ZNF226: variants seen among roughly 807,000 people sequenced by gnomAD.
ZNF226 encodes the protein Kruppel-associated box protein.
Under a neutral mutation model 11.4 loss-of-function variants are expected in ZNF226, and 6 were observed. That is an observed-to-expected ratio of 0.53 (90% confidence interval 0.29 to 1.04). The LOEUF is 1.04. Among genes scored for constraint, ZNF226 ranks in the 50% least tolerant of loss-of-function variants. The pLI, the probability that ZNF226 is intolerant of heterozygous loss-of-function variation, is 0.08. For synonymous variants in ZNF226, 350 were observed against 322.8 expected, an observed-to-expected ratio of 1.08 and a Z score of -0.90; for missense variants, 1,058 against 956.5, an observed-to-expected ratio of 1.11 and a Z score of -1.40.
chr19:44,178,378 AGT>A, downstream of ZNF226: 1 of 152,228 alleles, frequency 6.6e-6, no homozygotes, highest in Non-Finnish European at 1.5e-5. Context: ...CAGGGGTTTA[AGT>A]GTCAGAGTTG....
At chr19:44,183,562 A>G in the ZNF226 span, among the ~76,000 whole-genome samples, 2 of 152,226 alleles carry the variant, frequency 1.3e-5, no homozygotes, top group Non-Finnish European at 2.9e-5. Flanking sequence ...TGCAAGGGTT[A>G]TGGTTCTATC....
chr19:44,169,206 T>G (rs1477558918), intron 2 of ZNF226, among the ~76,000 whole-genome samples: 2 of 151,912 alleles, frequency 1.3e-5, no homozygotes, highest in Non-Finnish European at 2.9e-5. Flanking sequence ...CAGGGTTTCA[T>G]CTTGTTGGCC....
chr19:44,172,816 C>T (rs1440409301), intron 4 of ZNF226, 44 bp from the exon 5 acceptor site: 59 of 1,501,476 alleles, frequency 3.9e-5, no homozygotes, highest in Non-Finnish European at 4.8e-5. Context: ...TGTATTTTAA[C>T]TCTAATATGT....
At chr19:44,183,858 C>T in the ZNF226 span, among the ~76,000 whole-genome samples, 1 of 152,158 alleles carries the variant, frequency 6.6e-6, no homozygotes, top group South Asian at 2.1e-4. Flanking sequence ...ATGTCATCCA[C>T]AGAAGTTTAG....
intron 5 of ZNF226, chr19:44,174,747 A>G: frequency 2.9e-6 from 1 of 348,690 alleles, no homozygotes; most frequent in South Asian, 1.4e-4. Flanking sequence ...ACATCCAGAA[A>G]CTTTCTATAC....
intron 5 of ZNF226, chr19:44,174,964 T>C (rs773041347): frequency 1.1e-5 from 17 of 1,609,492 alleles, no homozygotes; most frequent in Middle Eastern, 3.3e-4. Flanking sequence ...CTGTACTTTC[T>C]AGTTCTTTTT....
Position 44,177,596 on chromosome 19 carries a change from T to G in ZNF226, c.2334T>G (p.Val778=), listed in dbSNP as rs750346154. 23 of 1,613,938 alleles carry G rather than the reference T, an allele frequency of 1.4e-5. No individual in the cohort carries two copies. Among genetic ancestry groups the G allele is most frequent in the Non-Finnish European group, 1.8e-5 (21 of 1,179,862 alleles). The change falls in exon 6 of 6, where the codon GTT becomes GTG. Residue 778 remains valine (V), a synonymous_variant. Coordinates refer to ENST00000337433, the MANE Select transcript of ZNF226 (RefSeq NM_001032373.2). ...TTACAGTTCATCACAGAATCCATGT[T>G]GGTGATAAATCCTATAAAAGTAATA... ...SNLTVHHRIH[V]GDKSYKSNRG... is the part of the protein sequence containing the mutation.
intron 3 of ZNF226, among the ~76,000 whole-genome samples, chr19:44,171,372 C>G (rs908415952): frequency 4.6e-5 from 7 of 152,070 alleles, no homozygotes; most frequent in African/African-American, 1.7e-4. Context: ...TTCTGTCTTC[C>G]CCATGCCTCA....
At chr19:44,185,324 C>CATATT in the ZNF226 span, among the ~76,000 whole-genome samples, 3 of 152,148 alleles carry the variant, frequency 2.0e-5, no homozygotes, top group Non-Finnish European at 4.4e-5. Flanking sequence ...GAGGAGCCTC[C>CATATT]ATATTATTTT....
the ZNF226 span, among the ~76,000 whole-genome samples, chr19:44,191,370 A>G: frequency 5.9e-5 from 9 of 152,216 alleles, no homozygotes; most frequent in African/African-American, 2.4e-5. Context: ...CGTGGTTGAT[A>G]GCATTACATC....
intron 5 of ZNF226, chr19:44,174,055 T>G (rs1291436989): frequency 6.6e-6 from 1 of 152,144 alleles, no homozygotes; most frequent in Non-Finnish European, 1.5e-5. Flanking sequence ...AACTAATAGG[T>G]GGTGAACAAA....
At chr19:44,169,599 G>C (rs1969839341) in intron 2 of ZNF226, 1 of 153,270 alleles carries the variant, frequency 6.5e-6, no homozygotes, top group African/African-American at 2.4e-5. Flanking sequence ...TGTGTTGTAA[G>C]AGCTTTCTAC....
At chr19:44,186,508 C>G in the ZNF226 span, among the ~76,000 whole-genome samples, 2 of 151,962 alleles carry the variant, frequency 1.3e-5, no homozygotes, top group African/African-American at 4.8e-5. Flanking sequence ...TTGGTGATTG[C>G]TAGTATATAG....
the ZNF226 span, among the ~76,000 whole-genome samples, chr19:44,197,676 A>G: frequency 1.3e-5 from 2 of 152,182 alleles, no homozygotes; most frequent in Non-Finnish European, 2.9e-5. Flanking sequence ...TATTCTTCAT[A>G]TAGTGCTTAC....
At position 44,172,941 on chromosome 19, in the gene ZNF226, A is replaced by G. The variant is rs764948632; in HGVS notation, c.224A>G (p.Gln75Arg). The change falls in exon 5 of 6, where the codon CAG (glutamine) becomes CGG (arginine). Residue 75 changes from glutamine (Q) to arginine (R), a missense_variant. Physicochemically the swap from Gln to Arg is conservative, Grantham distance 43 (BLOSUM62 1). Transcript: ENST00000337433. Reference protein sequence around the residue: ...LWIMTTATRRQGNLGEKNQSK... With the variant: ...LWIMTTATRRRGNLGEKNQSK... ...ATAATGACGACAGCAACCCGAAGAC[A>G]GGGAAATTTAGGTAAAAACCAAACA... 6.3e-7 allele frequency: 1 copy of G among 1,596,958 alleles called. No individual in the cohort carries two copies. The highest frequency in any genetic ancestry group is 1.7e-5 in the Admixed American group (1 of 57,216).
downstream of ZNF226, among the ~76,000 whole-genome samples, chr19:44,179,942 T>G (rs1169672616): frequency 6.7e-6 from 1 of 150,160 alleles, no homozygotes; most frequent in Admixed American, 6.6e-5. Flanking sequence ...CAAAAACTAG[T>G]CGGGTGAGGT....
At chr19:44,198,188 G>T in the ZNF226 span, among the ~76,000 whole-genome samples, 1 of 151,984 alleles carries the variant, frequency 6.6e-6, no homozygotes, top group Non-Finnish European at 1.5e-5. Flanking sequence ...TGCATATATA[G>T]CACACTTTTA....
chr19:44,192,769 A>T, the ZNF226 span, among the ~76,000 whole-genome samples: 1 of 152,236 alleles, frequency 6.6e-6, no homozygotes, highest in Non-Finnish European at 1.5e-5. Flanking sequence ...AAGACGGCTG[A>T]AAATTTAAAC....
the ZNF226 span, among the ~76,000 whole-genome samples, chr19:44,188,217 A>C: frequency 1.4e-4 from 22 of 152,118 alleles, no homozygotes; most frequent in African/African-American, 5.3e-4. Flanking sequence ...TGAAAGTGGG[A>C]TATTAAAGTA....
Sources: allele counts gnomAD v4.1 joint callset (sites outside exome capture counted in the v4.1 genomes callset), GRCh38; gene constraint gnomAD v4.1.1; transcripts MANE v1.5; gene names NCBI Gene and HGNC (gene_info 2026-07-23, HGNC 2026-07-21).